GUSB: variants seen among roughly 807,000 people sequenced by gnomAD.
GUSB encodes the protein beta-glucuronidase.
Under a neutral mutation model 74.6 loss-of-function variants are expected in GUSB, and 51 were observed. That is an observed-to-expected ratio of 0.68 (90% confidence interval 0.55 to 0.86). GUSB has a LOEUF of 0.86. Ranked by LOEUF, GUSB falls within the 40% of genes least tolerant of loss-of-function variation. The pLI, the probability that GUSB is intolerant of heterozygous loss-of-function variation, is 0.00. For synonymous variants in GUSB, 360 were observed against 348.3 expected (o/e 1.03, Z -0.37); for missense variants, 736 against 853.7 (o/e 0.86, Z 1.72).
At position 65,960,872 on chromosome 7, in the gene GUSB, G is replaced by A. The variant is rs779485917; in HGVS notation, c.*25C>T. 1 of 1,606,826 alleles carries A rather than the reference G, an allele frequency of 6.2e-7. No homozygotes were observed. Among genetic ancestry groups the A allele is most frequent in the South Asian group, 1.1e-5 (1 of 90,904 alleles). The stretch of plus-strand genomic sequence containing the variant: ...AGTCGCCCTGACTCGGGGAGGAAGG[G>A]ACACGCAGGTGGTATCAGTCTTGCT... On this transcript the variant is annotated 3_prime_UTR_variant, in exon 12 of 12. Transcript: ENST00000304895.
rs757549474 is a variant in GUSB, at chr7:65,975,029, A to G, written c.955T>C (p.Phe319Leu). ...CGGATCCCCACAGGGAGTGTGTAGA[A>G]GTCAGACACAGGCCCCAGTGACGTC... is the stretch of plus-strand genomic sequence containing the variant. Reference protein sequence around the residue: ...AQTSLGPVSDFYTLPVGIRTV... With the variant: ...AQTSLGPVSDLYTLPVGIRTV... The change falls in exon 6 of 12, where the codon TTC (phenylalanine) becomes CTC (leucine). Residue 319 changes from phenylalanine to leucine, a missense_variant. Physicochemically the swap from Phe to Leu is conservative, Grantham distance 22 (BLOSUM62 0). This residue lies in a region of GUSB where 368 missense variants were observed against 489.9 expected (regional missense o/e 0.75). Coordinates refer to ENST00000304895, the MANE Select transcript of GUSB (RefSeq NM_000181.4). 1.9e-6 allele frequency: 3 copies of G among 1,613,562 alleles called. No individual in the cohort carries two copies. The South Asian group carries it at 3.3e-5, about 18-fold the overall frequency.
chr7:65,980,317 G>A lies in GUSB; in HGVS notation c.303C>T (p.Tyr101=), dbSNP rs768778881. ...GCTCCGGCAGGATCACCTCCCGTTC[G>A]TACCACACCCAGCCGACAAAATGCC... ...RLRHFVGWVW[Y]EREVILPERW... Residue 101 remains tyrosine, a synonymous_variant, in exon 2 of 12, where the codon TAC becomes TAT. Coordinates refer to ENST00000304895, the MANE Select transcript of GUSB (RefSeq NM_000181.4). 2.4e-5 allele frequency: 39 copies of A among 1,613,648 alleles called. No homozygotes were observed. The highest frequency in any genetic ancestry group is 2.9e-5 in the Non-Finnish European group (34 of 1,179,914).
intron 6 of GUSB, 60 bp from the exon 7 acceptor site, chr7:65,974,764 G>C (rs1791452527): frequency 6.3e-7 from 1 of 1,593,952 alleles, no homozygotes; most frequent in Admixed American, 1.7e-5. Flanking sequence ...TCCTCTGAGA[G>C]CCAGGACCCT....
intron 4 of GUSB, among the ~76,000 whole-genome samples, chr7:65,977,797 G>GAT (rs970672652): frequency 6.6e-6 from 1 of 151,456 alleles, no homozygotes; most frequent in Non-Finnish European, 1.5e-5. Flanking sequence ...AAAAGAAAAA[G>GAT]ATATATATAT....
At chr7:65,966,248 C>G (rs1790827892) in intron 10 of GUSB, among the ~76,000 whole-genome samples, 1 of 152,156 alleles carries the variant, frequency 6.6e-6, no homozygotes, top group Admixed American at 6.6e-5. Context: ...AGCCACTTCC[C>G]CTACTTGACT....
intron 2 of GUSB, 39 bp downstream of exon 2, chr7:65,980,185 G>GCCCCCCCC: frequency 8.3e-6 from 6 of 725,270 alleles, no homozygotes; most frequent in South Asian, 3.0e-5. Flanking sequence ...CAGCAGCCGT[G>GCCCCCCCC]CCCCCCCACC....
At chr7:65,972,313 C>A (rs1051064350) in intron 8 of GUSB, among the ~76,000 whole-genome samples, 1 of 152,064 alleles carries the variant, frequency 6.6e-6, no homozygotes, top group African/African-American at 2.4e-5. Context: ...AGACGCCCAC[C>A]TCTGTGTTCC....
At chr7:65,970,773 G>C (rs991486595) in intron 8 of GUSB, among the ~76,000 whole-genome samples, 4 of 152,000 alleles carry the variant, frequency 2.6e-5, no homozygotes, top group Non-Finnish European at 4.4e-5. Flanking sequence ...CCTATAGTCT[G>C]AGCTACTCAG....
intron 4 of GUSB, among the ~76,000 whole-genome samples, chr7:65,977,622 T>A (rs1791668667): frequency 6.6e-6 from 1 of 151,786 alleles, no homozygotes; most frequent in Non-Finnish European, 1.5e-5. Flanking sequence ...ACTTTGCAGC[T>A]AAAGCGATCC....
In GUSB at chr7:65,980,465, G is replaced by A; in HGVS notation, c.211-56C>T. ...AGGCCCCCAAAAGGGTCCAGGACCA[G>A]TGTGCTGCACGGCTGTGCCCCCAGG... On this transcript the variant is annotated intron_variant, in intron 1 of 11. Coordinates refer to ENST00000304895, the MANE Select transcript of GUSB (RefSeq NM_000181.4). The A allele has an allele frequency of 3.3e-6, 5 of 1,515,622 alleles. No homozygotes were observed. In the South Asian group the frequency reaches 5.8e-5, roughly 18 times the overall value. 93.9% of individuals were successfully genotyped at this position (1,515,622 alleles called of 1,614,324 possible).
At chr7:65,978,492 G>C (rs2116013740) in intron 4 of GUSB, among the ~76,000 whole-genome samples, 1 of 151,688 alleles carries the variant, frequency 6.6e-6, no homozygotes, top group South Asian at 2.1e-4. Flanking sequence ...TCCCAGCTGG[G>C]CACAGTGGCT....
chr7:65,970,805 C>T (rs1626926), intron 8 of GUSB, among the ~76,000 whole-genome samples: 18,904 of 151,780 alleles, frequency 0.12, 1,338 homozygotes, highest in Middle Eastern at 0.21. Flanking sequence ...AGAAGAATGG[C>T]GTGAACCCAG....
intron 4 of GUSB, among the ~76,000 whole-genome samples, chr7:65,977,885 A>T (rs962945224): frequency 2.6e-5 from 4 of 152,018 alleles, no homozygotes; most frequent in Admixed American, 2.6e-4. Flanking sequence ...ATCTCAGCTC[A>T]CTGCAAGCTC....
intron 4 of GUSB, 97 bp downstream of exon 4, chr7:65,979,302 A>G (rs1791817312): frequency 8.4e-7 from 1 of 1,195,056 alleles, no homozygotes; most frequent in East Asian, 2.3e-5. Flanking sequence ...GGGTGTAGAG[A>G]TGCTGGGAGC....
intron 4 of GUSB, among the ~76,000 whole-genome samples, chr7:65,977,972 G>A (rs140597339): frequency 0.32 from 47,684 of 151,116 alleles, 8,764 homozygotes; most frequent in East Asian, 0.49. Context: ...CACCATGCCC[G>A]GCTAATTTTT....
intron 11 of GUSB, chr7:65,964,092 A>G: frequency 3.6e-6 from 2 of 562,924 alleles, no homozygotes; most frequent in Non-Finnish European, 6.5e-6. Context: ...ACTATAGCTG[A>G]CTCTCCTGTT....
chr7:65,960,763 A>T lies in GUSB; in HGVS notation c.*134T>A. On this transcript the variant is annotated 3_prime_UTR_variant, in exon 12 of 12. Coordinates refer to ENST00000304895, the MANE Select transcript of GUSB (RefSeq NM_000181.4). ...ATTTCCACCTTTAGTGTTCCCTGCTAGAATAGATGACCACAAAACCCAGGC... is the reference window on the plus strand; with the variant it reads ...ATTTCCACCTTTAGTGTTCCCTGCTTGAATAGATGACCACAAAACCCAGGC... 1.3e-6 allele frequency: 1 copy of T among 772,464 alleles called. No homozygotes were observed. The highest frequency in any genetic ancestry group is 1.7e-5 in the African/African-American group (1 of 58,770). 47.9% of individuals were successfully genotyped at this position (772,464 alleles called of 1,614,324 possible).
intron 10 of GUSB, among the ~76,000 whole-genome samples, 173 bp downstream of exon 10, chr7:65,967,558 G>C (rs1375264692): frequency 1.3e-5 from 2 of 152,184 alleles, no homozygotes; most frequent in Non-Finnish European, 1.5e-5. Context: ...AGGACCAAGT[G>C]AGTGGGGCAC....
In GUSB at chr7:65,974,354, C is replaced by CA; in HGVS notation, c.1331dup (p.Met445AspfsTer42). 1 of 1,614,198 alleles carries CA rather than the reference C, an allele frequency of 6.2e-7. No homozygotes were observed. Among genetic ancestry groups the CA allele is most frequent in the Non-Finnish European group, 8.5e-7 (1 of 1,180,032 alleles). ...CAGGCTCGTTGGCCACAGACCACATCACGACCGCGGGGTGGTTCTTGTCCC... is the reference window on the plus strand; with the variant it reads ...CAGGCTCGTTGGCCACAGACCACATCAACGACCGCGGGGTGGTTCTTGTCCC... On this transcript the variant is annotated frameshift_variant, in exon 8 of 12. Transcript: ENST00000304895. LOFTEE classifies it high-confidence loss of function.
Sources: allele counts gnomAD v4.1 joint callset (sites outside exome capture counted in the v4.1 genomes callset), GRCh38; gene constraint gnomAD v4.1.1; regional missense constraint gnomAD v4.1.1; transcripts MANE v1.5; gene names NCBI Gene and HGNC (gene_info 2026-07-23, HGNC 2026-07-21).